RNF19A: variants seen among roughly 807,000 people sequenced by gnomAD.
The protein encoded by RNF19A is E3 ubiquitin-protein ligase RNF19A.
Under a neutral mutation model 75.7 loss-of-function variants are expected in RNF19A, and 32 were observed. The ratio of observed to expected loss-of-function variants is 0.42; its 90% CI spans 0.32 to 0.57. The LOEUF (loss-of-function observed/expected upper bound fraction) is 0.57. RNF19A is among the 20% of genes least tolerant of loss of function. The pLI is 0.10. For missense variants in RNF19A, 782 were observed against 1,036.3 expected, an observed-to-expected ratio of 0.75 and a Z score of 3.37; for synonymous variants, 335 against 345.2, an observed-to-expected ratio of 0.97 and a Z score of 0.33.
chr8:100,280,010 T>C, intron 2 of RNF19A, among the ~76,000 whole-genome samples: 1 of 152,196 alleles, frequency 6.6e-6, no homozygotes, highest in East Asian at 1.9e-4. Flanking sequence ...TTAAGATAGC[T>C]ATCTTAAAGC....
intron 5 of RNF19A, among the ~76,000 whole-genome samples, chr8:100,268,206 C>G (rs1400143153): frequency 2.0e-5 from 3 of 151,704 alleles, no homozygotes; most frequent in Admixed American, 2.0e-4. Context: ...CATAAATTAT[C>G]CCATTAACCC....
chr8:100,259,227 C>T lies in RNF19A; in HGVS notation c.1846G>A (p.Val616Met), dbSNP rs1315139975. The T allele has an allele frequency of 2.5e-6, 4 of 1,610,826 alleles. No individual in the cohort carries two copies. Among genetic ancestry groups the T allele is most frequent in the Non-Finnish European group, 3.4e-6 (4 of 1,178,380 alleles). ...PLDKEGNSME[V>M]QVDIESKPSK... ...GGCTTTGACTCAATATCTACTTGCA[C>T]CTCCATACTGTTGCCTTCTCTGAAA... is the stretch of plus-strand genomic sequence containing the variant. The change falls in exon 10 of 10, where the codon GTG becomes ATG. Residue 616 changes from valine (V) to methionine (M), a missense_variant. Coordinates refer to ENST00000341084, the MANE Select transcript of RNF19A (RefSeq NM_183419.4). The surrounding 1 kb of genome is among the most constrained non-coding windows in gnomAD (Gnocchi z 4.5).
intron 1 of RNF19A, among the ~76,000 whole-genome samples, chr8:100,305,690 TTTA>T (rs1586683459): frequency 6.6e-6 from 1 of 152,216 alleles, no homozygotes; most frequent in Admixed American, 6.5e-5. Context: ...TTCGACATCT[TTTA>T]TTGTCAGGCT....
At chr8:100,305,285 G>A (rs1822018703) in intron 1 of RNF19A, among the ~76,000 whole-genome samples, 1 of 152,178 alleles carries the variant, frequency 6.6e-6, no homozygotes, top group Non-Finnish European at 1.5e-5. Flanking sequence ...AAGACAGGTA[G>A]CCTGACTTTC....
intron 2 of RNF19A, among the ~76,000 whole-genome samples, chr8:100,281,455 G>A (rs1467104222): frequency 6.6e-6 from 1 of 152,038 alleles, no homozygotes; most frequent in Non-Finnish European, 1.5e-5. Flanking sequence ...GAATTTCATA[G>A]TACTATGTTT....
chr8:100,271,351 T>C (rs899146852), intron 3 of RNF19A, among the ~76,000 whole-genome samples: 1 of 152,210 alleles, frequency 6.6e-6, no homozygotes. Flanking sequence ...CATTTAACAA[T>C]TTTAAACATT....
chr8:100,311,255 G>A (rs1822286507), upstream of RNF19A, among the ~76,000 whole-genome samples: 1 of 152,180 alleles, frequency 6.6e-6, no homozygotes, highest in Non-Finnish European at 1.5e-5. Flanking sequence ...AATCTTAAAG[G>A]AAGTAATTAT....
Position 100,330,969 on chromosome 8 carries a change from G to A in RNF19A, c.-243+5139C>T, listed in dbSNP as rs1198467237. On this transcript the variant is annotated intron_variant, in intron 1 of 3. Coordinates refer to the RNF19A transcript ENST00000519527. This position sits in a 1 kb window ranked among gnomAD's most constrained non-coding sequence, Gnocchi z 4.1. ...GACTCCCTTGTAACATTTTTGCAGG[G>A]AATCTTCTTTTCACTTCTAAATGCT... is the stretch of plus-strand genomic sequence containing the variant. Among the ~76,000 whole-genome samples the A allele has an allele frequency of 6.6e-6, 1 of 152,184 alleles. No individual in the cohort carries two copies. The highest frequency in any genetic ancestry group is 1.9e-4 in the East Asian group (1 of 5,200).
intron 1 of RNF19A, among the ~76,000 whole-genome samples, chr8:100,335,284 G>T (rs889475489): frequency 6.6e-6 from 1 of 152,082 alleles, no homozygotes; most frequent in Admixed American, 6.5e-5. Flanking sequence ...GTTTAATTTG[G>T]ATTTTTCTCA....
At chr8:100,313,803 G>A (rs149669848), upstream of RNF19A, among the ~76,000 whole-genome samples, 1 of 152,072 alleles carries the variant, frequency 6.6e-6, no homozygotes, top group Non-Finnish European at 1.5e-5. Flanking sequence ...TGTGGAGACA[G>A]AAGTGGATGG....
intron 2 of RNF19A, among the ~76,000 whole-genome samples, chr8:100,276,454 A>T: frequency 6.6e-6 from 1 of 152,058 alleles, no homozygotes; most frequent in Admixed American, 6.6e-5. Flanking sequence ...ACATGTGATT[A>T]TAAGAGAGCA....
Position 100,287,377 on chromosome 8 carries a change from G to A in RNF19A, c.674+124C>T. On this transcript the variant is annotated intron_variant, in intron 2 of 9. Transcript: ENST00000341084. This position sits in a 1 kb window ranked among gnomAD's most constrained non-coding sequence, Gnocchi z 4.1. ...TAGCATAGTGCCTGACATATGGTGT[G>A]CACTCAACATGTCTGTTGAATGAAT... The A allele has an allele frequency of 1.3e-6, 1 of 766,048 alleles. No individual in the cohort carries two copies. The highest frequency in any genetic ancestry group is 2.1e-6 in the Non-Finnish European group (1 of 479,132). 47.5% of individuals were successfully genotyped at this position (766,048 alleles called of 1,614,324 possible).
intron 1 of RNF19A, among the ~76,000 whole-genome samples, chr8:100,294,805 G>A (rs1241401810): frequency 1.3e-5 from 2 of 152,032 alleles, no homozygotes; most frequent in East Asian, 1.9e-4. Flanking sequence ...ATGCATCCAC[G>A]ATCTCCACAA....
chr8:100,335,935 C>T (rs1252194091), intron 1 of RNF19A, among the ~76,000 whole-genome samples: 1 of 152,230 alleles, frequency 6.6e-6, no homozygotes, highest in South Asian at 2.1e-4. Context: ...AGGTTGGCCG[C>T]TTTCTATACT....
chr8:100,291,946 T>TGAAGA (rs60231223), intron 1 of RNF19A, among the ~76,000 whole-genome samples: 63,666 of 148,384 alleles, frequency 0.43, 14,105 homozygotes, highest in African/African-American at 0.54. Flanking sequence ...CTAGCACTGT[T>TGAAGA]GAACAGAAAG....
intron 1 of RNF19A, among the ~76,000 whole-genome samples, chr8:100,315,118 C>A (rs1822353433): frequency 1.3e-5 from 2 of 152,050 alleles, no homozygotes; most frequent in Admixed American, 1.3e-4. Flanking sequence ...TGACAAAACC[C>A]ATCTCTAGGA....
At chr8:100,300,074 G>A (rs62514999) in intron 1 of RNF19A, among the ~76,000 whole-genome samples, 4 of 152,096 alleles carry the variant, frequency 2.6e-5, no homozygotes, top group Non-Finnish European at 5.9e-5. Context: ...CAAACTATAA[G>A]GTAATTCTCA....
At chr8:100,280,441 G>A (rs1403934595) in intron 2 of RNF19A, among the ~76,000 whole-genome samples, 3 of 152,044 alleles carry the variant, frequency 2.0e-5, no homozygotes, top group African/African-American at 7.2e-5. Flanking sequence ...TTTAGTTCAC[G>A]GCATGTTATA....
chr8:100,334,105 C>T (rs1232415544), intron 1 of RNF19A, among the ~76,000 whole-genome samples: 2 of 152,186 alleles, frequency 1.3e-5, no homozygotes, highest in Non-Finnish European at 2.9e-5. Context: ...CTCAGGCTCC[C>T]TTTGTGCCCA....
Sources: allele counts gnomAD v4.1 joint callset (sites outside exome capture counted in the v4.1 genomes callset), GRCh38; gene constraint gnomAD v4.1.1; non-coding constraint Gnocchi (gnomAD v3.1); transcripts MANE v1.5; gene names NCBI Gene and HGNC (gene_info 2026-07-23, HGNC 2026-07-21).